CTIF: variants seen among roughly 807,000 people sequenced by gnomAD.
CTIF encodes the protein cap binding complex dependent translation initiation factor, also known as CBP80/20-dependent translation initiation factor.
CTIF carries 21 observed loss-of-function variants against 66.0 expected under a neutral mutation model. The observed-to-expected ratio is 0.32, with a 90% CI of 0.23 to 0.46. The LOEUF is 0.46. CTIF is among the 20% of genes least tolerant of loss of function. The pLI is 1.00. For missense variants in CTIF, 739 were observed against 812.7 expected (o/e 0.91, Z 1.10); for synonymous variants, 345 against 326.4 (o/e 1.06, Z -0.62).
At chr18:48,597,720 T>C (rs2090012866) in intron 1 of CTIF, among the ~76,000 whole-genome samples, 1 of 152,162 alleles carries the variant, frequency 6.6e-6, no homozygotes, top group South Asian at 2.1e-4. Context: ...CAATGAAGCC[T>C]TTTTTCTTTA....
chr18:48,563,107 C>A (rs1344572642), intron 1 of CTIF, among the ~76,000 whole-genome samples: 1 of 152,226 alleles, frequency 6.6e-6, no homozygotes, highest in Non-Finnish European at 1.5e-5. Flanking sequence ...CCTGGGGCTG[C>A]AGACCGGCCC....
At chr18:48,670,530 A>T in intron 5 of CTIF, 139 bp from the exon 6 acceptor site, 3 of 699,232 alleles carry the variant, frequency 4.3e-6, no homozygotes, top group Non-Finnish European at 7.6e-6. Context: ...TGTTTCCTCT[A>T]GGTGGGACAG....
chr18:48,848,624 C>T (rs1411193682), intron 10 of CTIF, among the ~76,000 whole-genome samples: 2 of 152,154 alleles, frequency 1.3e-5, no homozygotes, highest in Admixed American at 1.3e-4. Flanking sequence ...GCGAGGCTGC[C>T]CCATGAGTTC....
intron 10 of CTIF, among the ~76,000 whole-genome samples, chr18:48,829,910 C>A (rs910614332): frequency 9.9e-5 from 15 of 152,216 alleles, no homozygotes; most frequent in Admixed American, 9.2e-4. Context: ...CTTTTCTCCT[C>A]CCTTCTGTCC....
intron 10 of CTIF, among the ~76,000 whole-genome samples, chr18:48,839,154 T>A (rs1160947886): frequency 6.6e-6 from 1 of 152,118 alleles, no homozygotes; most frequent in African/African-American, 2.4e-5. Context: ...GGCCACTGTT[T>A]CCTTTCCCCT....
chr18:48,593,596 A>G (rs1463823500), intron 1 of CTIF, among the ~76,000 whole-genome samples: 2 of 151,578 alleles, frequency 1.3e-5, no homozygotes, highest in Non-Finnish European at 2.9e-5. Context: ...ATTAGCCAGG[A>G]TGGTCTCGAT....
chr18:48,789,320 G>C (rs995497738), intron 9 of CTIF, among the ~76,000 whole-genome samples: 1 of 151,874 alleles, frequency 6.6e-6, no homozygotes, highest in African/African-American at 2.4e-5. Context: ...CCAAGCCTCA[G>C]TTTCCTCACT....
At chr18:48,727,610 C>T (rs1021811298) in intron 7 of CTIF, among the ~76,000 whole-genome samples, 2 of 152,176 alleles carry the variant, frequency 1.3e-5, no homozygotes, top group African/African-American at 2.4e-5. Context: ...AAAAGCCCAC[C>T]CACACATCTC....
At position 48,746,440 on chromosome 18, in the gene CTIF, G is replaced by A. The variant is rs140349681; in HGVS notation, c.585-11479G>A. On this transcript the variant is annotated intron_variant, in intron 7 of 11. Transcript: ENST00000256413. Reference sequence around the variant, plus strand: ...CGTGCATACTGATTGAAGTGAGAACGTGTGGGGAGGGTCTTGATGGATGGG... The same window carrying A: ...CGTGCATACTGATTGAAGTGAGAACATGTGGGGAGGGTCTTGATGGATGGG... Among the ~76,000 whole-genome samples, 739 of 151,494 alleles carry A rather than the reference G, an allele frequency of 4.9e-3. 1 individual carries two copies. The highest frequency in any genetic ancestry group is 0.044 in the Middle Eastern group (13 of 294).
At chr18:48,677,463 G>A (rs955919531) in intron 6 of CTIF, among the ~76,000 whole-genome samples, 8 of 152,234 alleles carry the variant, frequency 5.3e-5, no homozygotes, top group South Asian at 2.1e-4. Flanking sequence ...AACAAGGAGC[G>A]TAATGCACCA....
chr18:48,661,145 G>T (rs996344819), intron 3 of CTIF, among the ~76,000 whole-genome samples: 7 of 152,218 alleles, frequency 4.6e-5, no homozygotes, highest in African/African-American at 1.7e-4. Flanking sequence ...AGGCAGTCCA[G>T]TGGAAAAGAT....
At chr18:48,580,941 C>A (rs1057160994) in intron 1 of CTIF, among the ~76,000 whole-genome samples, 2 of 152,246 alleles carry the variant, frequency 1.3e-5, no homozygotes, top group Non-Finnish European at 1.5e-5. Context: ...GGCATCGCGG[C>A]CCCACCCAGC....
chr18:48,751,665 G>C (rs535130028), intron 7 of CTIF, among the ~76,000 whole-genome samples: 3 of 152,168 alleles, frequency 2.0e-5, no homozygotes, highest in Admixed American at 6.5e-5. Context: ...TGGAGGGCTC[G>C]GGCAGGACCC....
chr18:48,795,613 G>T lies in CTIF; in HGVS notation c.1372-21608G>T, dbSNP rs532236029. Among the ~76,000 whole-genome samples the T allele has an allele frequency of 3.3e-4, 51 of 152,288 alleles. No homozygotes were observed. The South Asian group carries it at 4.6e-3, about 14-fold the overall frequency. The stretch of plus-strand genomic sequence containing the variant: ...CTGCATCCCCAGGCTCTTTCAGATG[G>T]GTAGTCCTATTTTCCCAGGAGCTCT... On this transcript the variant is annotated intron_variant, in intron 9 of 11. Transcript: ENST00000256413.
intron 7 of CTIF, among the ~76,000 whole-genome samples, chr18:48,755,151 A>C (rs1454413140): frequency 6.6e-6 from 1 of 152,236 alleles, no homozygotes; most frequent in Non-Finnish European, 1.5e-5. Context: ...AAGGATGACG[A>C]AAGTTGTGAG....
intron 1 of CTIF, among the ~76,000 whole-genome samples, chr18:48,548,945 T>C (rs2145514345): frequency 6.6e-6 from 1 of 152,022 alleles, no homozygotes; most frequent in South Asian, 2.1e-4. Flanking sequence ...GTCAGGAGAA[T>C]GAAAAGGGTG....
intron 7 of CTIF, among the ~76,000 whole-genome samples, chr18:48,724,008 C>T (rs1424495086): frequency 6.6e-6 from 1 of 152,160 alleles, no homozygotes; most frequent in Non-Finnish European, 1.5e-5. Flanking sequence ...TACTTAGCAC[C>T]CACGGGGGAA....
intron 1 of CTIF, among the ~76,000 whole-genome samples, chr18:48,592,826 G>T (rs2089915185): frequency 6.6e-6 from 1 of 152,226 alleles, no homozygotes; most frequent in Admixed American, 6.5e-5. Context: ...CCGTTCACAG[G>T]TGGCCTTTAG....
At chr18:48,835,803 C>T (rs1240164862) in intron 10 of CTIF, among the ~76,000 whole-genome samples, 23 of 152,118 alleles carry the variant, frequency 1.5e-4, no homozygotes, top group Admixed American at 1.1e-3. Context: ...TGGGAGCTGT[C>T]GGTCATGGTC....
Sources: allele counts gnomAD v4.1 joint callset (sites outside exome capture counted in the v4.1 genomes callset), GRCh38; gene constraint gnomAD v4.1.1; transcripts MANE v1.5; gene names NCBI Gene and HGNC (gene_info 2026-07-23, HGNC 2026-07-21).